DAAM1: variants seen among roughly 807,000 people sequenced by gnomAD.
The protein encoded by DAAM1 is disheveled-associated activator of morphogenesis 1.
Under a neutral mutation model 130.0 loss-of-function variants are expected in DAAM1, and 52 were observed. That is an observed-to-expected ratio of 0.40 (90% CI 0.32 to 0.50). DAAM1 has a LOEUF of 0.50. Among genes scored for constraint, DAAM1 ranks in the 20% least tolerant of loss-of-function variants. DAAM1 has a pLI of 0.61. For missense variants in DAAM1, 1,134 were observed against 1,303.8 expected, an observed-to-expected ratio of 0.87 and a Z score of 2.01; for synonymous variants, 452 against 444.5, an observed-to-expected ratio of 1.02 and a Z score of -0.21.
intron 2 of DAAM1, among the ~76,000 whole-genome samples, chr14:59,275,449 T>C (rs1245370786): frequency 2.6e-5 from 4 of 152,154 alleles, no homozygotes; most frequent in African/African-American, 9.7e-5. Flanking sequence ...AAAAAAAATT[T>C]ATCTAGTAAG....
At chr14:59,290,170 G>T (rs1883679670) in intron 2 of DAAM1, among the ~76,000 whole-genome samples, 3 of 152,152 alleles carry the variant, frequency 2.0e-5, no homozygotes, top group Non-Finnish European at 4.4e-5. Flanking sequence ...TTAAGTTCTT[G>T]TTAAACACCA....
intron 22 of DAAM1, 51 bp downstream of exon 22, chr14:59,360,913 A>C: frequency 6.4e-7 from 1 of 1,561,294 alleles, no homozygotes; most frequent in Non-Finnish European, 8.8e-7. Context: ...CACTATCTCT[A>C]GTGCTGGTGG....
chr14:59,196,643 T>C (rs1319172235), intron 1 of DAAM1, among the ~76,000 whole-genome samples: 1 of 151,968 alleles, frequency 6.6e-6, no homozygotes, highest in African/African-American at 2.4e-5. Context: ...CTCCGGAGGC[T>C]GAGGCAGGAG....
intron 23 of DAAM1, among the ~76,000 whole-genome samples, chr14:59,365,544 T>C (rs1886882373): frequency 6.6e-6 from 1 of 152,204 alleles, no homozygotes; most frequent in South Asian, 2.1e-4. Context: ...GACACTTTTG[T>C]TACAAGTTTA....
Position 59,340,148 on chromosome 14 carries a change from G to GAGA in DAAM1, c.2044_2046dup (p.Arg682dup). Reference sequence around the variant, plus strand: ...AAGAGCTTTCGGTGATTGATGGTCGGAGAGCTCAGAATTGCAACATCCTTC... The same window carrying GAGA: ...AAGAGCTTTCGGTGATTGATGGTCGGAGAAGAGCTCAGAATTGCAACATCCTTC... On this transcript the variant is annotated inframe_insertion, in exon 16 of 25. Coordinates refer to ENST00000360909, the MANE Select transcript of DAAM1 (RefSeq NM_001270520.2). 6.2e-7 allele frequency: 1 copy of GAGA among 1,613,462 alleles called. No individual in the cohort carries two copies. Among genetic ancestry groups the GAGA allele is most frequent in the Middle Eastern group, 1.7e-4 (1 of 6,054 alleles).
chr14:59,227,329 A>C (rs951378369), intron 1 of DAAM1, among the ~76,000 whole-genome samples: 3 of 152,126 alleles, frequency 2.0e-5, no homozygotes, highest in African/African-American at 7.2e-5. Flanking sequence ...TTCAGGGAAT[A>C]GGAGGGGAAA....
chr14:59,368,330 T>C (rs567250406), intron 24 of DAAM1, among the ~76,000 whole-genome samples: 2 of 152,234 alleles, frequency 1.3e-5, no homozygotes, highest in South Asian at 4.1e-4. Context: ...GTAATAGTGA[T>C]ACCTTTTTTT....
intron 4 of DAAM1, among the ~76,000 whole-genome samples, chr14:59,316,309 T>C (rs985765193): frequency 7.9e-5 from 12 of 152,186 alleles, no homozygotes; most frequent in African/African-American, 2.7e-4. Flanking sequence ...TTTTAAATGG[T>C]CTCATAACAT....
chr14:59,199,770 T>C (rs1396433537), intron 1 of DAAM1, among the ~76,000 whole-genome samples: 2 of 152,104 alleles, frequency 1.3e-5, no homozygotes, highest in African/African-American at 4.8e-5. Context: ...ACTGGATAAT[T>C]ATTTGTTGTG....
chr14:59,214,155 A>G (rs1888507443), intron 1 of DAAM1, among the ~76,000 whole-genome samples: 1 of 152,246 alleles, frequency 6.6e-6, no homozygotes, highest in Non-Finnish European at 1.5e-5. Context: ...GCTGTAGCTG[A>G]TTCAAGATAA....
chr14:59,356,614 C>T (rs1886490098), intron 20 of DAAM1, among the ~76,000 whole-genome samples: 1 of 152,186 alleles, frequency 6.6e-6, no homozygotes, highest in African/African-American at 2.4e-5. Flanking sequence ...GCTCTATTAG[C>T]AGCAGAAGGA....
intron 2 of DAAM1, chr14:59,264,010 T>C (rs539960802): frequency 3.0e-6 from 1 of 335,656 alleles, no homozygotes; most frequent in Admixed American, 4.4e-5. Flanking sequence ...ATTCCTTCAT[T>C]TACTTCACAC....
At chr14:59,220,191 T>A in intron 1 of DAAM1, among the ~76,000 whole-genome samples, 1 of 152,304 alleles carries the variant, frequency 6.6e-6, no homozygotes, top group East Asian at 1.9e-4. Context: ...AAGGAAGAGA[T>A]ACACAGAAGT....
intron 1 of DAAM1, among the ~76,000 whole-genome samples, chr14:59,222,993 A>G (rs1300338509): frequency 1.3e-5 from 2 of 152,236 alleles, no homozygotes; most frequent in East Asian, 1.9e-4. Flanking sequence ...GGGAACGGCT[A>G]TAATACTGCA....
At chr14:59,251,064 G>T (rs758618064) in intron 1 of DAAM1, among the ~76,000 whole-genome samples, 1 of 152,126 alleles carries the variant, frequency 6.6e-6, no homozygotes, top group African/African-American at 2.4e-5. Flanking sequence ...CAGAGATTCC[G>T]ATTTTATTGG....
At chr14:59,367,327 T>A in intron 23 of DAAM1, 102 bp from the exon 24 acceptor site, 1 of 1,475,422 alleles carries the variant, frequency 6.8e-7, no homozygotes, top group East Asian at 2.4e-5. Context: ...CAAACAAAAC[T>A]TACGTTTGAC....
chr14:59,269,267 G>A (rs1882601928), intron 2 of DAAM1, among the ~76,000 whole-genome samples: 2 of 152,238 alleles, frequency 1.3e-5, no homozygotes, highest in South Asian at 4.1e-4. Flanking sequence ...TCCCTTTTTC[G>A]TGAGGAGGGA....
intron 1 of DAAM1, among the ~76,000 whole-genome samples, chr14:59,200,277 A>G (rs1888059240): frequency 1.3e-5 from 2 of 152,174 alleles, no homozygotes; most frequent in African/African-American, 4.8e-5. Flanking sequence ...TAGCTCAGTA[A>G]TGCTATCTGT....
chr14:59,274,884 G>T (rs766266436), intron 2 of DAAM1, among the ~76,000 whole-genome samples: 2 of 152,204 alleles, frequency 1.3e-5, no homozygotes, highest in Non-Finnish European at 2.9e-5. Context: ...AGATTAAAAG[G>T]ATAAGGGTGA....
Sources: gnomAD v4.1 joint callset for allele counts (sites outside exome capture counted in the v4.1 genomes callset) on GRCh38, gnomAD v4.1.1 for gene constraint, MANE v1.5 for transcripts, NCBI Gene and HGNC (gene_info 2026-07-23, HGNC 2026-07-21) for gene names.